FGF14: variants seen among roughly 807,000 people sequenced by gnomAD.
The protein encoded by FGF14 is fibroblast growth factor 14, also known as fibroblast growth factor homologous factor 4.
Under a neutral mutation model 25.5 loss-of-function variants are expected in FGF14, and 5 were observed. The ratio of observed to expected loss-of-function variants is 0.20; its 90% CI spans 0.10 to 0.41. FGF14 has a LOEUF of 0.41. Among genes scored for constraint, FGF14 ranks in the 10% least tolerant of loss-of-function variants. The pLI, the probability that FGF14 is intolerant of heterozygous loss-of-function variation, is 1.00. For synonymous variants in FGF14, 138 were observed against 118.3 expected (o/e 1.17, Z -1.08); for missense variants, 222 against 320.1 (o/e 0.69, Z 2.34).
At chr13:101,880,439 C>T (rs912118161) in intron 1 of FGF14, among the ~76,000 whole-genome samples, 5 of 152,042 alleles carry the variant, frequency 3.3e-5, no homozygotes, top group Non-Finnish European at 2.9e-5. Context: ...TGGTGGCACA[C>T]GCTTGTAATC....
At chr13:101,920,391 T>C (rs1406264262), upstream of FGF14, among the ~76,000 whole-genome samples, 3 of 152,220 alleles carry the variant, frequency 2.0e-5, no homozygotes, top group Non-Finnish European at 4.4e-5. Flanking sequence ...ACTTCCTAGC[T>C]GTATAATGAC....
intron 1 of FGF14, among the ~76,000 whole-genome samples, chr13:102,399,405 G>C (rs1437697795): frequency 6.6e-6 from 1 of 152,166 alleles, no homozygotes; most frequent in African/African-American, 2.4e-5. Context: ...TTCACAGAAA[G>C]ACACAAGAAG....
Position 101,993,616 on chromosome 13 carries a change from T to C in FGF14, c.209-118320A>G, listed in dbSNP as rs560669009. On this transcript the variant is annotated intron_variant, in intron 1 of 4. Transcript: ENST00000376131. ...GGCTTGCACTACACAATAAGCAGTA[T>C]TGTGTTATTTAAAAGTGGATAAACA... 2.0e-5 allele frequency among the ~76,000 whole-genome samples: 3 copies of C among 152,190 alleles called. No homozygotes were observed. In the South Asian group the frequency reaches 6.2e-4, roughly 32 times the overall value.
At chr13:102,153,277 T>C (rs1408783383) in intron 1 of FGF14, among the ~76,000 whole-genome samples, 1 of 152,194 alleles carries the variant, frequency 6.6e-6, no homozygotes, top group Non-Finnish European at 1.5e-5. Flanking sequence ...TTTTTATATG[T>C]AGATGCCCCT....
chr13:102,233,575 T>C (rs1229922605), intron 1 of FGF14, among the ~76,000 whole-genome samples: 1 of 152,182 alleles, frequency 6.6e-6, no homozygotes, highest in Non-Finnish European at 1.5e-5. Context: ...AGAGCTTGAA[T>C]TAAATTGTTA....
intron 1 of FGF14, among the ~76,000 whole-genome samples, chr13:102,340,268 G>A (rs1174484971): frequency 2.0e-5 from 3 of 152,142 alleles, no homozygotes; most frequent in South Asian, 2.1e-4. Flanking sequence ...CCTTAGAGGG[G>A]AGCCATGTAG....
intron 1 of FGF14, among the ~76,000 whole-genome samples, chr13:102,327,885 C>T (rs2056508663): frequency 6.8e-6 from 1 of 147,280 alleles, no homozygotes; most frequent in African/African-American, 2.5e-5. Context: ...CAAGAATTGA[C>T]TCATTTCCAA....
At chr13:102,223,509 G>A (rs1272125348) in intron 1 of FGF14, among the ~76,000 whole-genome samples, 1 of 152,130 alleles carries the variant, frequency 6.6e-6, no homozygotes, top group East Asian at 1.9e-4. Flanking sequence ...CTCTTATTTA[G>A]ATTTGATATG....
intron 1 of FGF14, among the ~76,000 whole-genome samples, chr13:102,217,812 G>A (rs2050438860): frequency 6.6e-6 from 1 of 152,182 alleles, no homozygotes; most frequent in Non-Finnish European, 1.5e-5. Context: ...CCCAGCTGAA[G>A]TGCTGCCTTG....
intron 1 of FGF14, among the ~76,000 whole-genome samples, chr13:102,053,516 T>A (rs1566624776): frequency 6.6e-6 from 1 of 152,126 alleles, no homozygotes; most frequent in Non-Finnish European, 1.5e-5. Flanking sequence ...TTTAAAAATG[T>A]CTTGAGATAA....
chr13:102,120,737 T>C (rs2045684834), intron 1 of FGF14, among the ~76,000 whole-genome samples: 1 of 151,036 alleles, frequency 6.6e-6, no homozygotes, highest in South Asian at 2.1e-4. Context: ...AGAGTCTCCT[T>C]TTGCCGCCCA....
intron 1 of FGF14, among the ~76,000 whole-genome samples, chr13:102,316,906 T>C (rs982843444): frequency 6.6e-6 from 1 of 152,170 alleles, no homozygotes; most frequent in African/African-American, 2.4e-5. Flanking sequence ...TCTTTCAGGA[T>C]GATTGAGATG....
chr13:102,362,112 T>A (rs1315528386), intron 1 of FGF14, among the ~76,000 whole-genome samples: 1 of 152,164 alleles, frequency 6.6e-6, no homozygotes, highest in East Asian at 1.9e-4. Context: ...ACTGATGTGA[T>A]CTGTTTGTTC....
intron 1 of FGF14, among the ~76,000 whole-genome samples, chr13:102,380,900 G>T (rs2058168742): frequency 6.6e-6 from 1 of 151,956 alleles, no homozygotes; most frequent in Non-Finnish European, 1.5e-5. Context: ...ACTTATAATG[G>T]GGTTATGTCC....
intron 1 of FGF14, among the ~76,000 whole-genome samples, chr13:102,339,403 T>C (rs977432061): frequency 1.3e-5 from 2 of 152,070 alleles, no homozygotes; most frequent in Non-Finnish European, 2.9e-5. Flanking sequence ...ACAAAAGAAT[T>C]TGTATGGAAA....
rs939355758 is a variant in FGF14, at chr13:102,023,755, A to G, written c.209-148459T>C. 4.7e-4 allele frequency among the ~76,000 whole-genome samples: 71 copies of G among 152,058 alleles called. 3 individuals are homozygous for G. Among genetic ancestry groups the G allele is most frequent in the Non-Finnish European group, 2.9e-5 (2 of 67,980 alleles). On this transcript the variant is annotated intron_variant, in intron 1 of 4. Transcript: ENST00000376131. Reference sequence around the variant, plus strand: ...AAAATTTTTAAGGTTCGTTTATGTCATAACAGGGTGCACTGACAGGTACAG... The same window carrying G: ...AAAATTTTTAAGGTTCGTTTATGTCGTAACAGGGTGCACTGACAGGTACAG...
chr13:101,993,946 T>C (rs1448040348), intron 1 of FGF14, among the ~76,000 whole-genome samples: 2 of 151,880 alleles, frequency 1.3e-5, no homozygotes, highest in African/African-American at 4.8e-5. Flanking sequence ...AAAAGAAAGA[T>C]ACATTTTGAA....
chr13:101,994,126 C>G (rs1481719596), intron 1 of FGF14, among the ~76,000 whole-genome samples: 4 of 151,738 alleles, frequency 2.6e-5, no homozygotes, highest in African/African-American at 9.7e-5. Context: ...AACTTAATCT[C>G]AAATGATTTA....
intron 1 of FGF14, among the ~76,000 whole-genome samples, chr13:102,019,787 T>C (rs1236512902): frequency 6.6e-6 from 1 of 152,130 alleles, no homozygotes; most frequent in Non-Finnish European, 1.5e-5. Context: ...CTGCACACTT[T>C]AAATACAGAG....
Sources: allele counts gnomAD v4.1 joint callset (sites outside exome capture counted in the v4.1 genomes callset), GRCh38; gene constraint gnomAD v4.1.1; transcripts MANE v1.5; gene names NCBI Gene and HGNC (gene_info 2026-07-23, HGNC 2026-07-21).